MOB3B: variants seen among roughly 807,000 people sequenced by gnomAD.
MOB3B encodes the protein MOB kinase activator-like 2B.
In MOB3B, 7 loss-of-function variants were observed where a neutral mutation model predicts 18.7. The observed-to-expected ratio is 0.37, with a 90% confidence interval of 0.21 to 0.70. MOB3B has a LOEUF of 0.70. MOB3B is among the 30% of genes least tolerant of loss of function. MOB3B has a pLI of 0.52. For synonymous variants in MOB3B, 111 were observed against 99.9 expected (o/e 1.11, Z -0.66); for missense variants, 253 against 281.3 (o/e 0.90, Z 0.72).
chr9:27,485,638 T>A (rs1228895427), intron 1 of MOB3B, among the ~76,000 whole-genome samples: 1 of 152,188 alleles, frequency 6.6e-6, no homozygotes, highest in Non-Finnish European at 1.5e-5. Context: ...CATCCTACAT[T>A]CTCTTCCCTC....
At chr9:27,435,847 T>C (rs1822492389) in intron 2 of MOB3B, among the ~76,000 whole-genome samples, 1 of 152,126 alleles carries the variant, frequency 6.6e-6, no homozygotes, top group African/African-American at 2.4e-5. Context: ...GTGATCCACC[T>C]GACTTGGCCT....
intron 1 of MOB3B, chr9:27,524,755 A>AAGAAATG: frequency 1.9e-6 from 3 of 1,613,902 alleles, no homozygotes; most frequent in Non-Finnish European, 2.5e-6. Context: ...GAAGACATGA[A>AAGAAATG]AGAAATGAAA....
At chr9:27,497,596 G>C (rs1001146279) in intron 1 of MOB3B, among the ~76,000 whole-genome samples, 3 of 151,682 alleles carry the variant, frequency 2.0e-5, no homozygotes, top group Admixed American at 6.6e-5. Context: ...TTTCTTTTCT[G>C]TACTTTCCTA....
At chr9:27,467,156 A>G (rs1819396710) in intron 1 of MOB3B, among the ~76,000 whole-genome samples, 1 of 152,228 alleles carries the variant, frequency 6.6e-6, no homozygotes, top group Non-Finnish European at 1.5e-5. Flanking sequence ...ATTGAGTCAG[A>G]CATGTAATTG....
At chr9:27,449,984 TAAA>T (rs35983173) in intron 2 of MOB3B, among the ~76,000 whole-genome samples, 1 of 115,670 alleles carries the variant, frequency 8.6e-6, no homozygotes, top group African/African-American at 3.3e-5. Flanking sequence ...TCTCAAAAAT[TAAA>T]AAAAAAAAAA....
At chr9:27,388,280 CTGGTGA>C (rs1821674378) in intron 2 of MOB3B, among the ~76,000 whole-genome samples, 2 of 152,186 alleles carry the variant, frequency 1.3e-5, no homozygotes, top group Non-Finnish European at 2.9e-5. Flanking sequence ...GGAGGCTACT[CTGGTGA>C]TGCAGCAATG....
intron 1 of MOB3B, among the ~76,000 whole-genome samples, chr9:27,459,142 G>A (rs1054020513): frequency 6.6e-6 from 1 of 152,118 alleles, no homozygotes; most frequent in African/African-American, 2.4e-5. Context: ...ATTGGCGCAG[G>A]TACCTGAGAG....
At chr9:27,451,449 C>A (rs1270737115) in intron 2 of MOB3B, among the ~76,000 whole-genome samples, 1 of 152,124 alleles carries the variant, frequency 6.6e-6, no homozygotes, top group African/African-American at 2.4e-5. Context: ...TGAGAAAGTT[C>A]GACTTCTGAA....
intron 2 of MOB3B, among the ~76,000 whole-genome samples, chr9:27,442,018 A>G (rs1164853151): frequency 6.6e-6 from 1 of 152,182 alleles, no homozygotes; most frequent in Non-Finnish European, 1.5e-5. Context: ...CGTTAAAGAG[A>G]TTTGTGAAGA....
chr9:27,399,964 T>G (rs1821853775), intron 2 of MOB3B, among the ~76,000 whole-genome samples: 1 of 152,124 alleles, frequency 6.6e-6, no homozygotes, highest in Non-Finnish European at 1.5e-5. Context: ...CTCAGAAGTG[T>G]AATCTCAAGC....
At chr9:27,409,643 C>G (rs1822034907) in intron 2 of MOB3B, among the ~76,000 whole-genome samples, 1 of 152,070 alleles carries the variant, frequency 6.6e-6, no homozygotes, top group East Asian at 1.9e-4. Context: ...CAATGGTCAT[C>G]TAGTAGCATT....
intron 2 of MOB3B, chr9:27,394,238 C>G (rs1821769062): frequency 2.0e-5 from 3 of 152,100 alleles, no homozygotes. Context: ...ATCCTGTCGT[C>G]AAGCCTCCTT....
intron 2 of MOB3B, among the ~76,000 whole-genome samples, chr9:27,427,014 A>T (rs116235355): frequency 1.6e-3 from 242 of 152,334 alleles, no homozygotes; most frequent in African/African-American, 5.5e-3. Flanking sequence ...TAGGAAGAGA[A>T]CATCCAAGTT....
intron 1 of MOB3B, among the ~76,000 whole-genome samples, chr9:27,494,077 C>T (rs1005394172): frequency 1.5e-4 from 23 of 152,162 alleles, no homozygotes; most frequent in African/African-American, 5.5e-4. Context: ...GTTGAGACTG[C>T]AGGGGTGAAA....
At chr9:27,392,666 A>G (rs1302756154) in intron 2 of MOB3B, among the ~76,000 whole-genome samples, 3 of 152,200 alleles carry the variant, frequency 2.0e-5, no homozygotes, top group Non-Finnish European at 4.4e-5. Context: ...ATTCATTTTC[A>G]TGAATGGAGC....
chr9:27,405,007 C>T (rs1821944818), intron 2 of MOB3B, among the ~76,000 whole-genome samples: 1 of 148,472 alleles, frequency 6.7e-6, no homozygotes, highest in Non-Finnish European at 1.5e-5. Context: ...CATTTCTCTG[C>T]TTATTAATGA....
intron 2 of MOB3B, among the ~76,000 whole-genome samples, chr9:27,393,328 T>C (rs1821754197): frequency 6.6e-6 from 1 of 152,008 alleles, no homozygotes; most frequent in African/African-American, 2.4e-5. Context: ...CTTGTTTGTA[T>C]AGGGTGCAGA....
intron 3 of MOB3B, among the ~76,000 whole-genome samples, chr9:27,348,689 T>G (rs1821065587): frequency 6.6e-6 from 1 of 151,946 alleles, no homozygotes; most frequent in African/African-American, 2.4e-5. Flanking sequence ...GAAATAGACC[T>G]TAATTTTCCT....
intron 1 of MOB3B, among the ~76,000 whole-genome samples, chr9:27,483,083 C>G (rs1157200793): frequency 7.0e-6 from 1 of 142,752 alleles, no homozygotes; most frequent in Non-Finnish European, 1.5e-5. Flanking sequence ...ATAAACATGA[C>G]AATTACCAAA....
Sources: allele counts gnomAD v4.1 joint callset (sites outside exome capture counted in the v4.1 genomes callset), GRCh38; gene constraint gnomAD v4.1.1; transcripts MANE v1.5; gene names NCBI Gene and HGNC (gene_info 2026-07-23, HGNC 2026-07-21).